The following INCA1 variants were observed in gnomAD, a reference collection of about 807,000 sequenced individuals.
The protein encoded by INCA1 is protein INCA1.
A neutral mutation model predicts 25.7 loss-of-function variants in INCA1; 28 were observed. The observed-to-expected ratio is 1.09, with a 90% CI of 0.81 to 1.49. The LOEUF (loss-of-function observed/expected upper bound fraction) is 1.49, where lower values mean the gene tolerates loss of function less well. INCA1 is among the 40% of genes most tolerant of loss of function. INCA1 has a pLI of 0.00. For synonymous variants in INCA1, 111 were observed against 103.6 expected (o/e 1.07, Z -0.43); for missense variants, 309 against 290.9 (o/e 1.06, Z -0.45).
chr17:4,995,467 T>C (rs953587786), intron 1 of INCA1, among the ~76,000 whole-genome samples: 1 of 151,952 alleles, frequency 6.6e-6, no homozygotes, highest in East Asian at 1.9e-4. Context: ...GAATTGAGGG[T>C]TCTCAATGAA....
At chr17:4,989,834 C>T (rs2143172997) in intron 4 of INCA1, 56 bp downstream of exon 4, 1 of 1,613,180 alleles carries the variant, frequency 6.2e-7, no homozygotes, top group Middle Eastern at 1.7e-4. Context: ...TGGGACAGGA[C>T]AGCAGTGGGT....
At chr17:4,989,218 G>A (rs945899010) in intron 5 of INCA1, among the ~76,000 whole-genome samples, 3 of 152,054 alleles carry the variant, frequency 2.0e-5, no homozygotes, top group African/African-American at 4.8e-5. Flanking sequence ...AGCTCATGTG[G>A]CTCATCCTCC....
intron 5 of INCA1, among the ~76,000 whole-genome samples, 160 bp from the exon 6 acceptor site, chr17:4,989,104 G>A (rs529145256): frequency 1.8e-4 from 28 of 152,286 alleles, no homozygotes; most frequent in African/African-American, 6.5e-4. Flanking sequence ...CCCTCAGACT[G>A]AAGCATATTG....
chr17:4,991,248 T>C (rs1454918482), intron 2 of INCA1, among the ~76,000 whole-genome samples: 1 of 152,108 alleles, frequency 6.6e-6, no homozygotes, highest in East Asian at 1.9e-4. Flanking sequence ...AGTTTATGAA[T>C]TTGTGTTGGA....
At chr17:4,990,698 A>G (rs543549694) in intron 2 of INCA1, among the ~76,000 whole-genome samples, 3 of 151,820 alleles carry the variant, frequency 2.0e-5, no homozygotes, top group Non-Finnish European at 4.4e-5. Context: ...CCTGGCCAAC[A>G]TGTTGAAACC....
intron 1 of INCA1, among the ~76,000 whole-genome samples, chr17:4,995,271 A>G (rs1198987833): frequency 1.3e-5 from 2 of 152,322 alleles, no homozygotes; most frequent in African/African-American, 2.4e-5. Context: ...GATAGTGAGC[A>G]CAGGAAAAGT....
At chr17:4,995,502 T>G (rs1430195087) in intron 1 of INCA1, among the ~76,000 whole-genome samples, 1 of 152,052 alleles carries the variant, frequency 6.6e-6, no homozygotes, top group Non-Finnish European at 1.5e-5. Flanking sequence ...TTAGTGAAAG[T>G]TAATTGTGTG....
chr17:4,997,218 G>C (rs1278813422), upstream of INCA1: 1 of 152,310 alleles, frequency 6.6e-6, no homozygotes, highest in Non-Finnish European at 1.5e-5. Flanking sequence ...CAGGTGGACC[G>C]GGCGTGGCCG....
chr17:4,989,325 C>T, intron 5 of INCA1, 103 bp downstream of exon 5: 1 of 1,090,580 alleles, frequency 9.2e-7, no homozygotes, highest in Non-Finnish European at 1.3e-6. Context: ...CTCAAAGCTC[C>T]CCTCAAACCT....
chr17:4,988,205 T>G, downstream of INCA1: 1 of 505,380 alleles, frequency 2.0e-6, no homozygotes, highest in Non-Finnish European at 3.4e-6. Context: ...AAACAGGACT[T>G]GGGGTGCTCC....
At chr17:4,989,380 C>T in intron 5 of INCA1, 48 bp downstream of exon 5, 1 of 1,554,766 alleles carries the variant, frequency 6.4e-7, no homozygotes, top group Non-Finnish European at 8.8e-7. Flanking sequence ...ACTGTTCTGC[C>T]CCCAAATCCT....
chr17:4,994,845 A>T (rs1014026627), intron 1 of INCA1, among the ~76,000 whole-genome samples: 1 of 148,598 alleles, frequency 6.7e-6, no homozygotes, highest in African/African-American at 2.5e-5. Context: ...TGTAGGGATG[A>T]GGCCAGTAGC....
intron 1 of INCA1, among the ~76,000 whole-genome samples, chr17:4,995,534 C>G (rs1489617996): frequency 6.6e-6 from 1 of 152,098 alleles, no homozygotes; most frequent in Non-Finnish European, 1.5e-5. Flanking sequence ...GTGGCTCACA[C>G]CTGTAATCCC....
chr17:4,988,761 G>T lies in INCA1; in HGVS notation c.561+18C>A. The T allele has an allele frequency of 6.2e-7, 1 of 1,614,010 alleles. No individual in the cohort carries two copies. On this transcript the variant is annotated intron_variant, in intron 6 of 6. Transcript: ENST00000576820. ...CCACATCACTCCCTCACTCCACCCA[G>T]TTCCACTCCAACAATACCTGGGCCC...
intron 2 of INCA1, among the ~76,000 whole-genome samples, chr17:4,992,678 CTCTT>C (rs1476641798): frequency 2.1e-5 from 3 of 142,374 alleles, no homozygotes; most frequent in Admixed American, 7.2e-5. Context: ...TTCTTCCATT[CTCTT>C]TCTTTCTCTC....
exon 6 of INCA1, chr17:4,988,861 G>T: frequency 6.2e-7 from 1 of 1,614,214 alleles, no homozygotes; most frequent in Non-Finnish European, 8.5e-7. Context: ...GTATTCATTG[G>T]TGCTGGGGAA....
chr17:4,988,313 G>C lies in INCA1; in HGVS notation c.*92C>G, dbSNP rs1009928905. 10 of 1,373,046 alleles carry C rather than the reference G, an allele frequency of 7.3e-6. No homozygotes were observed. In the Admixed American group the frequency reaches 2.0e-4, roughly 27 times the overall value. 85.1% of individuals were successfully genotyped at this position (1,373,046 alleles called of 1,614,324 possible). On this transcript the variant is annotated 3_prime_UTR_variant, in exon 7 of 7. Coordinates refer to ENST00000576820, the Ensembl canonical transcript of INCA1. ...TTGGAGAGACGAAGGAAGGGGAAAC[G>C]CCTTCATGTCAGCAATGAGGGTGAC...
At chr17:4,989,379 C>T (rs759690145) in intron 5 of INCA1, 49 bp downstream of exon 5, 5 of 1,548,660 alleles carry the variant, frequency 3.2e-6, no homozygotes, top group Non-Finnish European at 3.5e-6. Context: ...AACTGTTCTG[C>T]CCCCAAATCC....
At chr17:4,993,698 G>A (rs2143228865) in intron 2 of INCA1, among the ~76,000 whole-genome samples, 1 of 150,448 alleles carries the variant, frequency 6.6e-6, no homozygotes, top group Middle Eastern at 3.6e-3. Flanking sequence ...TTGATCTCCT[G>A]ACCTCGTGAT....
Sources: allele counts gnomAD v4.1 joint callset (sites outside exome capture counted in the v4.1 genomes callset), GRCh38; gene constraint gnomAD v4.1.1; transcripts MANE v1.5; gene names NCBI Gene and HGNC (gene_info 2026-07-23, HGNC 2026-07-21).